Variants in HERC3 observed in about 807,000 individuals in gnomAD.
HERC3 encodes the protein HECT and RLD domain containing E3 ubiquitin protein ligase 3.
A neutral mutation model predicts 129.9 loss-of-function variants in HERC3; 58 were observed. That is an observed-to-expected ratio of 0.45 (90% CI 0.36 to 0.56). The LOEUF (loss-of-function observed/expected upper bound fraction) is 0.56. Ranked by LOEUF, HERC3 falls within the 20% of genes least tolerant of loss-of-function variation. The pLI is 0.00. For synonymous variants in HERC3, 430 were observed against 451.0 expected, an observed-to-expected ratio of 0.95 and a Z score of 0.59; for missense variants, 835 against 1,244.2, an observed-to-expected ratio of 0.67 and a Z score of 4.95.
chr4:88,639,872 T>G (rs1200050200), intron 3 of HERC3, among the ~76,000 whole-genome samples: 1 of 151,602 alleles, frequency 6.6e-6, no homozygotes, highest in Non-Finnish European at 1.5e-5. Context: ...ACAAGGAACT[T>G]AAACAAATTT....
At chr4:88,647,802 C>A (rs1162968869) in intron 3 of HERC3, among the ~76,000 whole-genome samples, 1 of 145,192 alleles carries the variant, frequency 6.9e-6, no homozygotes. Flanking sequence ...CATTTCAACT[C>A]TTTAGCTTTT....
intron 23 of HERC3, among the ~76,000 whole-genome samples, chr4:88,703,753 G>A (rs1444300406): frequency 1.3e-5 from 2 of 152,152 alleles, no homozygotes; most frequent in Non-Finnish European, 2.9e-5. Flanking sequence ...AAGCAGAAAA[G>A]GTCTTATTAT....
At chr4:88,670,701 T>A (rs1004717162) in intron 16 of HERC3, among the ~76,000 whole-genome samples, 1 of 151,848 alleles carries the variant, frequency 6.6e-6, no homozygotes, top group Non-Finnish European at 1.5e-5. Flanking sequence ...ATGGTACATG[T>A]TATGTTAGGT....
intron 7 of HERC3, 149 bp from the exon 8 acceptor site, chr4:88,655,025 A>T: frequency 1.7e-6 from 1 of 596,576 alleles, no homozygotes; most frequent in Non-Finnish European, 2.8e-6. Context: ...TTTTCTATTT[A>T]ATGAACATCC....
intron 5 of HERC3, 53 bp from the exon 6 acceptor site, chr4:88,652,816 G>T (rs900971189): frequency 7.8e-6 from 12 of 1,534,832 alleles, no homozygotes; most frequent in Non-Finnish European, 1.1e-5. Context: ...GATTATTTTT[G>T]TGTGTGGAGC....
intron 3 of HERC3, among the ~76,000 whole-genome samples, chr4:88,610,757 G>A (rs760092776): frequency 5.9e-5 from 9 of 152,292 alleles, no homozygotes; most frequent in Admixed American, 2.0e-4. Flanking sequence ...CAAAAACCTC[G>A]CAGAACAATG....
At chr4:88,658,993 C>G (rs931118697) in intron 10 of HERC3, among the ~76,000 whole-genome samples, 9 of 152,208 alleles carry the variant, frequency 5.9e-5, no homozygotes, top group African/African-American at 2.2e-4. Context: ...TCCTGCATCA[C>G]TATAGTGGAT....
At chr4:88,549,354 A>G in the HERC3 span, among the ~76,000 whole-genome samples, 1 of 151,822 alleles carries the variant, frequency 6.6e-6, no homozygotes, top group African/African-American at 2.4e-5. Context: ...TTCACGGAGT[A>G]TATATACAGG....
chr4:88,575,725 A>C, the HERC3 span, among the ~76,000 whole-genome samples: 1 of 152,238 alleles, frequency 6.6e-6, no homozygotes, highest in African/African-American at 2.4e-5. Context: ...TGAAATGGGA[A>C]TCTTAGAACT....
chr4:88,612,080 A>G (rs867389052), intron 3 of HERC3, among the ~76,000 whole-genome samples: 10 of 152,256 alleles, frequency 6.6e-5, no homozygotes, highest in South Asian at 4.2e-4. Flanking sequence ...AGGCACATCA[A>G]TTCATTTTTT....
At position 88,678,038 on chromosome 4, in the gene HERC3, C is replaced by A; in HGVS notation, c.2100C>A (p.Pro700=). Residue 700 remains proline, a synonymous_variant, in exon 19 of 26, where the codon CCC becomes CCA. Transcript: ENST00000402738. Reference sequence around the variant, plus strand: ...TGGAGCCTCTGCTGGCCAGAAGCCCCTTCCTGGTCCTTCACGTTCGCAGGA... The same window carrying A: ...TGGAGCCTCTGCTGGCCAGAAGCCCATTCCTGGTCCTTCACGTTCGCAGGA... ...LTLEPLLARS[P]FLVLHVRRNN... is the part of the protein sequence containing the mutation. 1 of 1,614,000 alleles carries A rather than the reference C, an allele frequency of 6.2e-7. No homozygotes were observed. Among genetic ancestry groups the A allele is most frequent in the Non-Finnish European group, 8.5e-7 (1 of 1,179,984 alleles).
At chr4:88,532,253 G>T in the HERC3 span, among the ~76,000 whole-genome samples, 1 of 152,152 alleles carries the variant, frequency 6.6e-6, no homozygotes, top group Admixed American at 6.5e-5. Flanking sequence ...CGGAGGCCTG[G>T]AAGTCCCATA....
chr4:88,641,841 G>A (rs189523956), intron 3 of HERC3, among the ~76,000 whole-genome samples: 9 of 152,246 alleles, frequency 5.9e-5, no homozygotes, highest in African/African-American at 1.9e-4. Context: ...CCCCTTGGCC[G>A]GGCACGGTGC....
In HERC3 at chr4:88,655,309, G is replaced by A. The variant is rs1729759904; in HGVS notation, c.908+5G>A. 1 of 1,613,090 alleles carries A rather than the reference G, an allele frequency of 6.2e-7. No homozygotes were observed. The highest frequency in any genetic ancestry group is 8.5e-7 in the Non-Finnish European group (1 of 1,179,424). On this transcript the variant is annotated splice_donor_5th_base_variant and intron_variant, in intron 8 of 25. Coordinates refer to ENST00000402738, the MANE Select transcript of HERC3 (RefSeq NM_014606.3). ...AACTCAAATTGCTTGTGGCAGGTGA[G>A]TGTTCCTCAAAGCTTGCTTGTATTC...
chr4:88,626,594 T>C (rs1008782981), intron 3 of HERC3, among the ~76,000 whole-genome samples: 2 of 152,190 alleles, frequency 1.3e-5, no homozygotes, highest in Admixed American at 6.5e-5. Flanking sequence ...ATTTTATAAT[T>C]TCAATTTCTT....
chr4:88,683,642 A>G (rs1733062050), intron 21 of HERC3, among the ~76,000 whole-genome samples: 1 of 152,234 alleles, frequency 6.6e-6, no homozygotes, highest in Non-Finnish European at 1.5e-5. Flanking sequence ...GGAGCTCACT[A>G]AAGAAGAAAG....
At chr4:88,645,490 T>G (rs1159465800) in intron 3 of HERC3, among the ~76,000 whole-genome samples, 1 of 152,152 alleles carries the variant, frequency 6.6e-6, no homozygotes, top group Non-Finnish European at 1.5e-5. Context: ...AATCACTAAT[T>G]TTGTATATAC....
Position 88,642,089 on chromosome 4 carries a change from C to T in HERC3, c.227-7751C>T, listed in dbSNP as rs554513228. 1.2e-4 allele frequency among the ~76,000 whole-genome samples: 18 copies of T among 148,592 alleles called. No individual in the cohort carries two copies. The South Asian group carries it at 3.9e-3, about 32-fold the overall frequency. On this transcript the variant is annotated intron_variant, in intron 3 of 25. Coordinates refer to ENST00000402738, the MANE Select transcript of HERC3 (RefSeq NM_014606.3). ...GAGGTTGCAGTGAGCCGAGATCACA[C>T]CATTGCACTCCAGCTGGGGCAACAG... is the stretch of plus-strand genomic sequence containing the variant.
intron 23 of HERC3, among the ~76,000 whole-genome samples, chr4:88,703,861 C>T (rs1360033066): frequency 6.6e-6 from 1 of 152,206 alleles, no homozygotes; most frequent in Admixed American, 6.5e-5. Flanking sequence ...GCCTGCTGCC[C>T]TTCCTATCTG....
Sources: gnomAD v4.1 joint callset for allele counts (sites outside exome capture counted in the v4.1 genomes callset) on GRCh38, gnomAD v4.1.1 for gene constraint, MANE v1.5 for transcripts, NCBI Gene and HGNC (gene_info 2026-07-23, HGNC 2026-07-21) for gene names.